MYCBP2: variants seen among roughly 807,000 people sequenced by gnomAD.
MYCBP2 encodes E3 ubiquitin-protein ligase MYCBP2.
In MYCBP2, 120 loss-of-function variants were observed where a neutral mutation model predicts 525.3. The ratio of observed to expected loss-of-function variants is 0.23; its 90% CI spans 0.20 to 0.27. The LOEUF (loss-of-function observed/expected upper bound fraction) is 0.27. MYCBP2 is among the 10% of genes least tolerant of loss of function. MYCBP2 has a pLI of 1.00. For synonymous variants in MYCBP2, 1,894 were observed against 1,955.8 expected (o/e 0.97, Z 0.83); for missense variants, 4,149 against 5,657.1 (o/e 0.73, Z 8.55).
chr13:77,056,551 G>A (rs1238591696), intron 79 of MYCBP2, among the ~76,000 whole-genome samples: 1 of 152,166 alleles, frequency 6.6e-6, no homozygotes, highest in Admixed American at 6.5e-5. Flanking sequence ...CTTTCTCCTT[G>A]TTTTAACTAA....
At position 77,140,914 on chromosome 13, in the gene MYCBP2, G is replaced by A. The variant is rs1035729714; in HGVS notation, c.7333C>T (p.Pro2445Ser). ...DAGLEVKVKD[P>S]PKGMIPPGTQ... is the part of the protein sequence containing the mutation. ...CCTGGTGGTATCATCCCTTTTGGTGGGTCTTTTACTTTTACTTCCAGACCA... is the reference window on the plus strand; with the variant it reads ...CCTGGTGGTATCATCCCTTTTGGTGAGTCTTTTACTTTTACTTCCAGACCA... Residue 2445 changes from proline to serine, a missense_variant, in exon 50 of 83, where the codon CCA (proline) becomes TCA (serine). Pro to Ser is a moderately conservative substitution (Grantham distance 74). Transcript: ENST00000544440. 3.1e-6 allele frequency: 5 copies of A among 1,610,398 alleles called. No individual in the cohort carries two copies. In the African/African-American group the frequency reaches 6.7e-5, roughly 22 times the overall value.
At chr13:77,130,316 T>A (rs565067109) in intron 52 of MYCBP2, among the ~76,000 whole-genome samples, 2 of 150,900 alleles carry the variant, frequency 1.3e-5, no homozygotes, top group African/African-American at 4.9e-5. Context: ...TTTCTCATTA[T>A]CTCATTTTAG....
chr13:77,318,190 G>A (rs1194923187), intron 1 of MYCBP2, among the ~76,000 whole-genome samples: 2 of 152,162 alleles, frequency 1.3e-5, no homozygotes, highest in African/African-American at 4.8e-5. Flanking sequence ...CCTGCTTGAA[G>A]GATGATTGAT....
At chr13:77,321,858 C>T (rs569830074) in intron 1 of MYCBP2, among the ~76,000 whole-genome samples, 1 of 152,206 alleles carries the variant, frequency 6.6e-6, no homozygotes, top group East Asian at 1.9e-4. Flanking sequence ...ATGGTTAGTG[C>T]CAAGTAATAA....
intron 26 of MYCBP2, among the ~76,000 whole-genome samples, chr13:77,197,231 G>A (rs560286727): frequency 1.3e-5 from 2 of 152,276 alleles, no homozygotes; most frequent in South Asian, 4.2e-4. Flanking sequence ...AATGGTAAGA[G>A]AGAGAATGGA....
Position 77,058,383 on chromosome 13 carries a change from A to G in MYCBP2, c.13164T>C (p.Ser4388=). 1 of 1,612,886 alleles carries G rather than the reference A, an allele frequency of 6.2e-7. No individual in the cohort carries two copies. The highest frequency in any genetic ancestry group is 8.5e-7 in the Non-Finnish European group (1 of 1,179,306). Residue 4388 remains serine, a synonymous_variant, in exon 78 of 83, where the codon AGT becomes AGC. Transcript: ENST00000544440. The surrounding 1 kb of genome is among the most constrained non-coding windows in gnomAD (Gnocchi z 4.1). The part of the protein sequence containing the change: ...DCQEYAKIAC[S]KTHPCGHPCG... ...ATGGATGGCCACAAGGATGCGTCTT[A>G]CTACAGGCTATCTTAGCGTATTCCT...
chr13:77,150,539 G>A (rs1407918349), intron 47 of MYCBP2, among the ~76,000 whole-genome samples, 195 bp downstream of exon 47: 1 of 152,032 alleles, frequency 6.6e-6, no homozygotes, highest in African/African-American at 2.4e-5. Flanking sequence ...ATCCCCTCTG[G>A]ACATCTGCCA....
intron 48 of MYCBP2, among the ~76,000 whole-genome samples, chr13:77,145,944 G>C (rs1432843419): frequency 6.6e-6 from 1 of 151,186 alleles, no homozygotes; most frequent in African/African-American, 2.4e-5. Flanking sequence ...ATTTTCACTA[G>C]TAGGTAGTAT....
rs1263574451 is a variant in MYCBP2 at position 77,263,821 on chromosome 13, T to C, written c.1432-32A>G. On this transcript the variant is annotated intron_variant, in intron 9 of 82. Transcript: ENST00000544440. Reference sequence around the variant, plus strand: ...AAAATAAAACATCCACAGCATTACATTACATAAAGAGGTCGTTCAAGGCTC... The same window carrying C: ...AAAATAAAACATCCACAGCATTACACTACATAAAGAGGTCGTTCAAGGCTC... The C allele has an allele frequency of 1.1e-5, 18 of 1,611,910 alleles. No individual in the cohort carries two copies. The African/African-American group carries it at 2.0e-4, about 18-fold the overall frequency.
At chr13:77,205,709 A>C (rs956095970) in intron 24 of MYCBP2, 111 bp from the exon 25 acceptor site, 2 of 881,512 alleles carry the variant, frequency 2.3e-6, no homozygotes, top group African/African-American at 3.4e-5. Context: ...TCAGAATGTT[A>C]CTCCAAGCTT....
chr13:77,121,205 C>G, intron 55 of MYCBP2, 168 bp downstream of exon 55: 1 of 609,186 alleles, frequency 1.6e-6, no homozygotes, highest in Non-Finnish European at 2.4e-6. Context: ...CAGCAAAAAA[C>G]AATACTATGA....
chr13:77,224,902 C>T (rs2066050795), intron 19 of MYCBP2, among the ~76,000 whole-genome samples: 1 of 152,010 alleles, frequency 6.6e-6, no homozygotes, highest in Admixed American at 6.6e-5. Flanking sequence ...TTACGTACAA[C>T]ATCAATGAAA....
chr13:77,069,359 AC>A (rs2040736664), intron 69 of MYCBP2, among the ~76,000 whole-genome samples: 1 of 152,236 alleles, frequency 6.6e-6, no homozygotes, highest in African/African-American at 2.4e-5. Context: ...GCCGTGGCTC[AC>A]GCCTGTAATC....
intron 18 of MYCBP2, among the ~76,000 whole-genome samples, chr13:77,228,777 T>C (rs1041766425): frequency 2.0e-5 from 3 of 151,906 alleles, no homozygotes; most frequent in Non-Finnish European, 2.9e-5. Context: ...TTGGCAACTA[T>C]GTAACTAAAA....
chr13:77,298,170 T>C (rs1462776787), intron 1 of MYCBP2, among the ~76,000 whole-genome samples: 3 of 152,232 alleles, frequency 2.0e-5, no homozygotes, highest in African/African-American at 7.2e-5. Context: ...AAGAAGGATA[T>C]TCTTTCAGTT....
At chr13:77,087,731 A>C in intron 61 of MYCBP2, 98 bp from the exon 62 acceptor site, 1 of 1,020,126 alleles carries the variant, frequency 9.8e-7, no homozygotes, top group Non-Finnish European at 1.4e-6. Context: ...CTTCAAAGAA[A>C]GATACTAGAA....
intron 52 of MYCBP2, 44 bp from the exon 53 acceptor site, chr13:77,126,586 A>T (rs1392253281): frequency 6.8e-7 from 1 of 1,477,078 alleles, no homozygotes; most frequent in Non-Finnish European, 9.3e-7. Flanking sequence ...AATACAATCT[A>T]TTATCACTTT....
chr13:77,086,976 A>G (rs2044409416), intron 62 of MYCBP2, among the ~76,000 whole-genome samples: 1 of 152,116 alleles, frequency 6.6e-6, no homozygotes, highest in Non-Finnish European at 1.5e-5. Flanking sequence ...AAGCATATTA[A>G]CACATTATTC....
chr13:77,074,004 C>T (rs1256498946), intron 68 of MYCBP2, among the ~76,000 whole-genome samples: 5 of 36,656 alleles, frequency 1.4e-4, no homozygotes, highest in South Asian at 7.3e-4. Context: ...TCCCCACCGC[C>T]CCCCCCCCTT....
Sources: allele counts gnomAD v4.1 joint callset (sites outside exome capture counted in the v4.1 genomes callset), GRCh38; gene constraint gnomAD v4.1.1; non-coding constraint Gnocchi (gnomAD v3.1); transcripts MANE v1.5; gene names NCBI Gene and HGNC (gene_info 2026-07-23, HGNC 2026-07-21).